Variants in VWC2 observed in about 807,000 individuals in gnomAD.
VWC2 encodes the protein von Willebrand factor C domain containing 2, also known as brorin.
In VWC2, 14 loss-of-function variants were observed where a neutral mutation model predicts 29.8. That is an observed-to-expected ratio of 0.47 (90% CI 0.31 to 0.74). VWC2 has a LOEUF of 0.74. Ranked by LOEUF, VWC2 falls within the 30% of genes least tolerant of loss-of-function variation. The pLI is 0.05. For missense variants in VWC2, 457 were observed against 459.8 expected (o/e 0.99, Z 0.05); for synonymous variants, 213 against 199.0 (o/e 1.07, Z -0.59).
chr7:49,776,851 A>G (rs1040496733), intron 2 of VWC2, among the ~76,000 whole-genome samples: 6 of 152,240 alleles, frequency 3.9e-5, no homozygotes, highest in Non-Finnish European at 8.8e-5. Flanking sequence ...TCTCCATGTT[A>G]TGGAGAAGAG....
chr7:49,912,127 G>A lies in VWC2; in HGVS notation c.920G>A (p.Gly307Asp), dbSNP rs770654740. The stretch of plus-strand genomic sequence containing the variant: ...ATATGCCACTGTACTTATGAGGAAG[G>A]CACATGGAGAATCGAGCGGCAGGCC... ...CTICHCTYEE[G>D]TWRIERQAMC... Residue 307 changes from glycine (G) to aspartate (D), a missense_variant, in exon 4 of 4, where the codon GGC (glycine) becomes GAC (aspartate). This residue lies in a region of VWC2 where 185 missense variants were observed against 257.1 expected (regional missense o/e 0.72). Coordinates refer to ENST00000340652, the MANE Select transcript of VWC2 (RefSeq NM_198570.5). 2 of 1,614,102 alleles carry A rather than the reference G, an allele frequency of 1.2e-6. No homozygotes were observed. Among genetic ancestry groups the A allele is most frequent in the African/African-American group, 2.7e-5 (2 of 75,024 alleles).
chr7:49,898,828 A>G (rs1028340686), intron 3 of VWC2, among the ~76,000 whole-genome samples: 3 of 152,116 alleles, frequency 2.0e-5, no homozygotes, highest in African/African-American at 7.2e-5. Flanking sequence ...AACCCCTATA[A>G]AAAGTAAAAA....
chr7:49,908,788 A>G (rs1793241957), intron 3 of VWC2, among the ~76,000 whole-genome samples: 1 of 152,218 alleles, frequency 6.6e-6, no homozygotes, highest in Non-Finnish European at 1.5e-5. Flanking sequence ...TGTCAAAAAG[A>G]CATGAGAGCT....
Position 49,912,281 on chromosome 7 carries a change from T to C in VWC2, c.*96T>C. ...GGGAACTATCAGTCAAAGAAGACTT[T>C]TGATGAGGAATAATGGAAAATTGTT... On this transcript the variant is annotated 3_prime_UTR_variant, in exon 4 of 4. Coordinates refer to ENST00000340652, the MANE Select transcript of VWC2 (RefSeq NM_198570.5). 3.1e-6 allele frequency: 4 copies of C among 1,308,372 alleles called. No individual in the cohort carries two copies. The highest frequency in any genetic ancestry group is 4.1e-6 in the Non-Finnish European group (4 of 970,018). The allele number at this position is 1,308,372 out of a possible 1,614,324, so 81.0% of individuals were successfully genotyped here.
chr7:49,775,277 C>G, intron 1 of VWC2, 56 bp from the exon 2 acceptor site: 98 of 317,376 alleles, frequency 3.1e-4, no homozygotes, highest in East Asian at 5.1e-4. Context: ...GGGGCCGCGG[C>G]GGGCCGGGGC....
chr7:49,799,246 G>T (rs1788676763), intron 2 of VWC2, among the ~76,000 whole-genome samples: 1 of 152,234 alleles, frequency 6.6e-6, no homozygotes. Context: ...CATGGGTTAG[G>T]ATTGGAACTG....
chr7:49,892,108 A>G (rs901924159), intron 3 of VWC2, among the ~76,000 whole-genome samples: 2 of 129,330 alleles, frequency 1.5e-5, no homozygotes, highest in Non-Finnish European at 3.1e-5. Context: ...GCAGTGGCGC[A>G]ATCTCGGCTC....
At chr7:49,893,095 A>C (rs906285645) in intron 3 of VWC2, among the ~76,000 whole-genome samples, 1 of 152,164 alleles carries the variant, frequency 6.6e-6, no homozygotes, top group Admixed American at 6.5e-5. Context: ...AGGACATATT[A>C]TTTCTGTTTC....
At position 49,776,013 on chromosome 7, in the gene VWC2, C is replaced by G; in HGVS notation, c.578C>G (p.Pro193Arg). The change falls in exon 2 of 4, where the codon CCG becomes CGG. Residue 193 changes from proline (P) to arginine (R), a missense_variant. Around this residue, in one of 2 missense-constraint regions of VWC2, gnomAD observed 185 missense variants for 257.1 expected, o/e 0.72. Coordinates refer to ENST00000340652, the MANE Select transcript of VWC2 (RefSeq NM_198570.5). ...CCGCTGTGCGCGCAGCCCGAGTGCC[C>G]GAGGCTGCACCCGCGCTGCATCCAC... ...EGPLCAQPEC[P>R]RLHPRCIHVD... is the part of the protein sequence containing the mutation. The G allele has an allele frequency of 2.6e-6, 4 of 1,544,626 alleles. No homozygotes were observed. The highest frequency in any genetic ancestry group is 2.6e-6 in the Non-Finnish European group (3 of 1,149,696).
intron 3 of VWC2, among the ~76,000 whole-genome samples, chr7:49,833,983 C>T (rs1789598812): frequency 1.3e-5 from 2 of 152,162 alleles, no homozygotes; most frequent in Admixed American, 6.5e-5. Context: ...GGATCATCAG[C>T]TTAGCTGTTA....
chr7:49,851,005 C>T (rs910027211), intron 3 of VWC2, among the ~76,000 whole-genome samples: 4 of 152,180 alleles, frequency 2.6e-5, no homozygotes, highest in African/African-American at 9.7e-5. Context: ...TCAGTTTACT[C>T]GTCCGCAATT....
intron 3 of VWC2, among the ~76,000 whole-genome samples, chr7:49,803,585 G>A (rs1350781133): frequency 9.9e-5 from 15 of 152,246 alleles, no homozygotes; most frequent in Admixed American, 8.5e-4. Flanking sequence ...CTCGCTGACA[G>A]GAGCGACTGG....
intron 3 of VWC2, among the ~76,000 whole-genome samples, chr7:49,864,698 C>T (rs1275428481): frequency 6.6e-6 from 1 of 152,214 alleles, no homozygotes. Context: ...TTTCAAGTAG[C>T]TCCAGACAGT....
chr7:49,853,629 CAT>C (rs1268200431), intron 3 of VWC2, among the ~76,000 whole-genome samples: 30 of 151,822 alleles, frequency 2.0e-4, no homozygotes, highest in Admixed American at 1.3e-4. Context: ...CTTTACGTAA[CAT>C]AAAGTATGTT....
chr7:49,905,024 G>A (rs377010071), intron 3 of VWC2, among the ~76,000 whole-genome samples: 18 of 152,224 alleles, frequency 1.2e-4, no homozygotes, highest in African/African-American at 2.9e-4. Context: ...GTGAGCCATC[G>A]TGCCAGGCCA....
At chr7:49,890,458 C>G (rs925776119) in intron 3 of VWC2, among the ~76,000 whole-genome samples, 1 of 152,044 alleles carries the variant, frequency 6.6e-6, no homozygotes, top group Non-Finnish European at 1.5e-5. Context: ...TTTTACAGAC[C>G]AATAAATCCA....
At position 49,893,649 on chromosome 7, in the gene VWC2, T is replaced by A. The variant is rs79859617; in HGVS notation, c.827-18385T>A. On this transcript the variant is annotated intron_variant, in intron 3 of 3. Coordinates refer to ENST00000340652, the MANE Select transcript of VWC2 (RefSeq NM_198570.5). ...TTAGGAAACCAGTTTTTTTTTTTTT[T>A]ATCCTTTTGAGACCAGTACCCTGTG... Among the ~76,000 whole-genome samples the A allele has an allele frequency of 6.5e-3, 968 of 149,586 alleles. 8 individuals are homozygous for A. Among genetic ancestry groups the A allele is most frequent in the East Asian group, 0.016 (81 of 5,088 alleles).
chr7:49,789,234 TGAAA>T (rs754990039), intron 2 of VWC2, among the ~76,000 whole-genome samples: 2,822 of 144,318 alleles, frequency 0.02, 40 homozygotes, highest in Non-Finnish European at 0.033. Flanking sequence ...GGAGAGTGTG[TGAAA>T]GAGTGTAGGT....
intron 3 of VWC2, among the ~76,000 whole-genome samples, chr7:49,808,096 T>G (rs1788918473): frequency 6.6e-6 from 1 of 151,932 alleles, no homozygotes. Flanking sequence ...GGTGCATATA[T>G]GAGAGAAAAA....
Sources: gnomAD v4.1 joint callset for allele counts (sites outside exome capture counted in the v4.1 genomes callset) on GRCh38, gnomAD v4.1.1 for gene constraint, gnomAD v4.1.1 regional missense constraint, MANE v1.5 for transcripts, NCBI Gene and HGNC (gene_info 2026-07-23, HGNC 2026-07-21) for gene names.